The following TNKS variants were observed in gnomAD, a reference collection of about 807,000 sequenced individuals.
TNKS encodes poly [ADP-ribose] polymerase tankyrase-1.
A neutral mutation model predicts 135.8 loss-of-function variants in TNKS; 72 were observed. That is an observed-to-expected ratio of 0.53 (90% CI 0.44 to 0.64). The LOEUF is 0.64. Among genes scored for constraint, TNKS ranks in the 30% least tolerant of loss-of-function variants. The pLI, the probability that TNKS is intolerant of heterozygous loss-of-function variation, is 0.00. For missense variants in TNKS, 1,769 were observed against 1,674.0 expected, an observed-to-expected ratio of 1.06 and a Z score of -0.99; for synonymous variants, 849 against 649.3, an observed-to-expected ratio of 1.31 and a Z score of -4.68.
chr8:9,746,978 G>A (rs980532354), intron 17 of TNKS, among the ~76,000 whole-genome samples: 1 of 145,310 alleles, frequency 6.9e-6, no homozygotes, highest in East Asian at 2.0e-4. Context: ...CGCCTTTTGG[G>A]TTCAAGTGAT....
chr8:9,704,705 A>C lies in TNKS; in HGVS notation c.1150A>C (p.Ile384Leu), dbSNP rs746211004. Residue 384 changes from isoleucine (I) to leucine (L), a missense_variant, in exon 6 of 27, where the codon ATA (isoleucine) becomes CTA (leucine). Coordinates refer to ENST00000310430, the MANE Select transcript of TNKS (RefSeq NM_003747.3). ...HLAAGYNRVRIVQLLLQHGAD... is the reference protein window; with the variant it reads ...HLAAGYNRVRLVQLLLQHGAD... The stretch of plus-strand genomic sequence containing the variant: ...AGCAGCGGGCTACAACAGAGTTCGA[A>C]TAGTTCAGCTTCTTCTTCAGCATGG... 1 of 1,613,636 alleles carries C rather than the reference A, an allele frequency of 6.2e-7. No homozygotes were observed. Among genetic ancestry groups the C allele is most frequent in the South Asian group, 1.1e-5 (1 of 91,036 alleles).
chr8:9,558,111 C>T (rs935649839), intron 1 of TNKS: 4 of 152,132 alleles, frequency 2.6e-5, no homozygotes. Flanking sequence ...GTCACATACG[C>T]AACTGAATCA....
chr8:9,592,330 G>A (rs1483216843), intron 2 of TNKS, among the ~76,000 whole-genome samples: 3 of 152,158 alleles, frequency 2.0e-5, no homozygotes, highest in Non-Finnish European at 4.4e-5. Flanking sequence ...AAGACTCACA[G>A]ATGTTCTTTT....
At chr8:9,738,849 TGTG>T (rs1180560520) in intron 17 of TNKS, among the ~76,000 whole-genome samples, 83 of 127,408 alleles carry the variant, frequency 6.5e-4, no homozygotes, top group African/African-American at 2.5e-3. Context: ...ATAGGTGTGG[TGTG>T]GTGCTGAAAA....
At chr8:9,638,492 G>A (rs1035976968) in intron 3 of TNKS, among the ~76,000 whole-genome samples, 5 of 152,240 alleles carry the variant, frequency 3.3e-5, no homozygotes, top group Admixed American at 2.0e-4. Context: ...ACCTACATGT[G>A]TATACATACA....
chr8:9,763,085 T>TTAA, intron 21 of TNKS, 62 bp from the exon 22 acceptor site: 1 of 569,150 alleles, frequency 1.8e-6, no homozygotes, highest in Non-Finnish European at 2.6e-6. Flanking sequence ...TTTTTTTTTT[T>TTAA]ATAAAATAGA....
chr8:9,741,622 T>A (rs1198525972), intron 17 of TNKS: 1 of 461,970 alleles, frequency 2.2e-6, no homozygotes, highest in South Asian at 1.6e-5. Context: ...AAAGGAAAGT[T>A]AATTTATAAA....
At chr8:9,606,667 C>G (rs985582631) in intron 2 of TNKS, among the ~76,000 whole-genome samples, 3 of 152,128 alleles carry the variant, frequency 2.0e-5, no homozygotes, top group Admixed American at 6.5e-5. Context: ...CTAACCCTAA[C>G]ACATCTGGGA....
At chr8:9,609,106 C>A (rs1209642228) in intron 2 of TNKS, among the ~76,000 whole-genome samples, 1 of 152,074 alleles carries the variant, frequency 6.6e-6, no homozygotes, top group Non-Finnish European at 1.5e-5. Context: ...GATCTTTCAG[C>A]TTGTATTTTA....
At chr8:9,709,779 G>A (rs898649886) in intron 9 of TNKS, among the ~76,000 whole-genome samples, 176 bp from the exon 10 acceptor site, 1 of 152,176 alleles carries the variant, frequency 6.6e-6, no homozygotes, top group African/African-American at 2.4e-5. Context: ...CTTACGTTTT[G>A]TATTTCCACT....
intron 3 of TNKS, among the ~76,000 whole-genome samples, chr8:9,651,523 G>C (rs1482184236): frequency 1.3e-5 from 2 of 152,198 alleles, no homozygotes; most frequent in Non-Finnish European, 2.9e-5. Context: ...GCTTCTTGTA[G>C]GGTCTAGACT....
intron 5 of TNKS, among the ~76,000 whole-genome samples, chr8:9,703,302 A>G (rs2128806860): frequency 6.6e-6 from 1 of 152,320 alleles, no homozygotes; most frequent in South Asian, 2.1e-4. Flanking sequence ...CTCAGCTTAA[A>G]ACTTATCAAT....
rs574482279 is a variant in TNKS, at chr8:9,643,321, G to T, written c.994+27644G>T. Among the ~76,000 whole-genome samples the T allele has an allele frequency of 1.3e-3, 188 of 145,902 alleles. 13 individuals carry two copies. The highest frequency in any genetic ancestry group is 2.3e-3 in the Non-Finnish European group (156 of 66,640). ...GTCCAAGGTTGAGGGACCCGTGTCT[G>T]GTTAGGGCCTGTTTGCTGTGTCATC... On this transcript the variant is annotated intron_variant, in intron 3 of 26. Transcript: ENST00000310430.
intron 11 of TNKS, among the ~76,000 whole-genome samples, chr8:9,717,096 T>TATATATATATATATATATAG (rs1804648966): frequency 7.6e-6 from 1 of 130,778 alleles, no homozygotes; most frequent in Non-Finnish European, 1.7e-5. Context: ...TATATATATA[T>TATATATATATATATATATAG]ATATATTTTC....
chr8:9,565,192 G>C (rs1009145186), intron 1 of TNKS, among the ~76,000 whole-genome samples: 2 of 152,128 alleles, frequency 1.3e-5, no homozygotes, highest in African/African-American at 4.8e-5. Flanking sequence ...TCTGTTTATA[G>C]AATTAAAGCA....
chr8:9,674,522 G>C (rs1193636051), intron 3 of TNKS, among the ~76,000 whole-genome samples: 2 of 152,170 alleles, frequency 1.3e-5, no homozygotes, highest in Non-Finnish European at 2.9e-5. Context: ...AAGTTTCGTG[G>C]TCCAATAGAA....
rs1277331442 is a variant in TNKS at position 9,717,071 on chromosome 8, TAATATATATA to T, written c.1750-3302_1750-3293del. Among the ~76,000 whole-genome samples, 35 of 13,774 alleles carry T rather than the reference TAATATATATA, an allele frequency of 2.5e-3. 3 individuals carry two copies. The highest frequency in any genetic ancestry group is 0.016 in the South Asian group (6 of 370). The allele number at this position is 13,774 out of a possible 152,430, so 9.0% of individuals were successfully genotyped here. ...CCACCAAAGATAATCTGTTGTATTA[TAATATATATA>T]TATATATATATATATATATATTTTC... is the stretch of plus-strand genomic sequence containing the variant. On this transcript the variant is annotated intron_variant, in intron 11 of 26. Transcript: ENST00000310430.
chr8:9,607,020 A>G (rs995534398), intron 2 of TNKS, among the ~76,000 whole-genome samples: 3 of 152,138 alleles, frequency 2.0e-5, no homozygotes, highest in African/African-American at 7.2e-5. Flanking sequence ...GGCTTATTCT[A>G]GGGGACAAGT....
chr8:9,703,310 A>T (rs1803902489), intron 5 of TNKS, among the ~76,000 whole-genome samples: 1 of 152,180 alleles, frequency 6.6e-6, no homozygotes, highest in African/African-American at 2.4e-5. Context: ...AAAACTTATC[A>T]ATTGTTTGTT....
Sources: allele counts gnomAD v4.1 joint callset (sites outside exome capture counted in the v4.1 genomes callset), GRCh38; gene constraint gnomAD v4.1.1; transcripts MANE v1.5; gene names NCBI Gene and HGNC (gene_info 2026-07-23, HGNC 2026-07-21).